The following PIGG variants were observed in gnomAD, a reference collection of about 807,000 sequenced individuals.
The protein encoded by PIGG is phosphatidylinositol glycan anchor biosynthesis class G (EMM blood group), also known as GPI ethanolamine phosphate transferase 2, catalytic subunit.
PIGG carries 70 observed loss-of-function variants against 83.2 expected under a neutral mutation model. That is an observed-to-expected ratio of 0.84 (90% CI 0.69 to 1.03). PIGG has a LOEUF of 1.03. PIGG is among the 50% of genes least tolerant of loss of function. PIGG has a pLI of 0.00. For synonymous variants in PIGG, 532 were observed against 519.5 expected (o/e 1.02, Z -0.33); for missense variants, 1,257 against 1,233.6 (o/e 1.02, Z -0.28).
chr4:535,039 T>G (rs371311498), intron 12 of PIGG, among the ~76,000 whole-genome samples: 21 of 152,254 alleles, frequency 1.4e-4, no homozygotes, highest in African/African-American at 4.8e-4. Flanking sequence ...CGTATGTTTC[T>G]TGCTCCCCCA....
chr4:537,943 C>T (rs1039567741), intron 12 of PIGG, among the ~76,000 whole-genome samples: 4 of 152,146 alleles, frequency 2.6e-5, no homozygotes, highest in African/African-American at 4.8e-5. Context: ...CCTGGTGGAG[C>T]TGCTGGGCTG....
chr4:509,467 T>C (rs6845627), intron 5 of PIGG, among the ~76,000 whole-genome samples: 35,098 of 152,170 alleles, frequency 0.23, 6,353 homozygotes, highest in African/African-American at 0.51. Flanking sequence ...CGCCAGCCTA[T>C]GCACTCTGCC....
rs1452393678 is a variant in PIGG at position 505,698 on chromosome 4, C to A, written c.361-20C>A. ...CGGTTTTGGATTCAGTGGCCTAATT[C>A]TTGCATTTTCTGACTGCAGGCATTG... On this transcript the variant is annotated intron_variant, in intron 2 of 12. Coordinates refer to ENST00000453061, the MANE Select transcript of PIGG (RefSeq NM_001127178.3). The A allele has an allele frequency of 1.3e-6, 2 of 1,586,780 alleles. No individual in the cohort carries two copies. The highest frequency in any genetic ancestry group is 2.7e-5 in the African/African-American group (2 of 74,066).
rs536737198 is a variant in PIGG, at chr4:521,086, A to G, written c.1145A>G (p.Glu382Gly). The G allele has an allele frequency of 6.2e-7, 1 of 1,614,156 alleles. No individual in the cohort carries two copies. The highest frequency in any genetic ancestry group is 2.2e-5 in the East Asian group (1 of 44,886). Residue 382 changes from glutamate to glycine, a missense_variant, in exon 7 of 13, where the codon GAA becomes GGA. Physicochemically the swap from Glu to Gly is moderately conservative, Grantham distance 98. Transcript: ENST00000453061. ...DPGFEQFKMS[E>G]RLHGNWIRLY... Reference sequence around the variant, plus strand: ...GGGTTTGAGCAGTTTAAAATGTCAGAAAGATTGCATGGGAACTGGATCAGA... The same window carrying G: ...GGGTTTGAGCAGTTTAAAATGTCAGGAAGATTGCATGGGAACTGGATCAGA...
chr4:523,721 C>T lies in PIGG; in HGVS notation c.1877C>T (p.Pro626Leu). ...GCCACAGCAGCGTGGCAGGACGGGC[C>T]TGGCTGTGATGTCCTGGAGCGAGAC... ...DGATAAWQDG[P>L]GCDVLERDKG... Residue 626 changes from proline (P) to leucine (L), a missense_variant, in exon 9 of 13, where the codon CCT becomes CTT. Physicochemically the swap from Pro to Leu is moderately conservative, Grantham distance 98. Transcript: ENST00000453061. 1 of 1,614,208 alleles carries T rather than the reference C, an allele frequency of 6.2e-7. No homozygotes were observed. The highest frequency in any genetic ancestry group is 8.5e-7 in the Non-Finnish European group (1 of 1,180,046).
chr4:521,027 C>T (rs147553759), intron 6 of PIGG, 29 bp from the exon 7 acceptor site: 65 of 1,469,512 alleles, frequency 4.4e-5, no homozygotes, highest in South Asian at 3.0e-4. Flanking sequence ...TGTGTGTGCG[C>T]GCCTGTAACC....
At chr4:521,407 G>T in intron 7 of PIGG, 134 bp downstream of exon 7, 1 of 708,336 alleles carries the variant, frequency 1.4e-6, no homozygotes, top group East Asian at 2.7e-5. Context: ...TAACTCTTTC[G>T]TGGTGTGTCC....
chr4:516,611 A>C (rs1472038823), intron 6 of PIGG, among the ~76,000 whole-genome samples: 1 of 152,164 alleles, frequency 6.6e-6, no homozygotes. Flanking sequence ...TAATCCCAGC[A>C]CTTTGGGAGG....
intron 12 of PIGG, among the ~76,000 whole-genome samples, chr4:538,274 G>T (rs979644488): frequency 4.6e-5 from 7 of 152,004 alleles, no homozygotes; most frequent in Non-Finnish European, 7.4e-5. Context: ...ACTCAGGGAA[G>T]TTGCTTTGAG....
intron 5 of PIGG, among the ~76,000 whole-genome samples, chr4:514,007 ACT>A (rs1380353644): frequency 6.6e-6 from 1 of 152,134 alleles, no homozygotes; most frequent in East Asian, 1.9e-4. Context: ...GGTAATGCAG[ACT>A]CTCTGCCTTA....
chr4:531,239 G>GACA (rs1728976535), intron 11 of PIGG: 1 of 166,164 alleles, frequency 6.0e-6, no homozygotes, highest in African/African-American at 2.4e-5. Flanking sequence ...TAGAGGGACA[G>GACA]GCAGACGGGG....
chr4:538,565 C>T (rs1731304113), intron 12 of PIGG, among the ~76,000 whole-genome samples: 1 of 152,144 alleles, frequency 6.6e-6, no homozygotes, highest in Non-Finnish European at 1.5e-5. Context: ...ACTGCAAAGT[C>T]TGGGGGGTGC....
rs559139496 is a variant in PIGG, at chr4:518,511, TG to T, written c.1114+2327del. On this transcript the variant is annotated intron_variant, in intron 6 of 12. Transcript: ENST00000453061. ...GGGAGGCTGAGGCAGGAGAATGGTG[TG>T]AACCCGGGAGGCGGAGCTTGCAGTG... Among the ~76,000 whole-genome samples, 7 of 152,298 alleles carry T rather than the reference TG, an allele frequency of 4.6e-5. No individual in the cohort carries two copies. The South Asian group carries it at 1.4e-3, about 32-fold the overall frequency.
At chr4:530,792 ATTTAT>A in intron 11 of PIGG, 47 bp downstream of exon 11, 2 of 1,275,632 alleles carry the variant, frequency 1.6e-6, no homozygotes, top group Non-Finnish European at 2.2e-6. Context: ...TGTTTTACAT[ATTTAT>A]TTTAAATTTT....
intron 2 of PIGG, among the ~76,000 whole-genome samples, chr4:503,552 A>G (rs1319067929): frequency 6.6e-6 from 1 of 152,114 alleles, no homozygotes; most frequent in South Asian, 2.1e-4. Flanking sequence ...TTTACTCTGG[A>G]AAGTCCCACC....
rs782061408 is a variant in PIGG at position 508,984 on chromosome 4, A to C, written c.901+14A>C. The C allele has an allele frequency of 1.2e-6, 2 of 1,602,982 alleles. No individual in the cohort carries two copies. The highest frequency in any genetic ancestry group is 1.1e-5 in the South Asian group (1 of 89,502). ...AAAGGAAACCCGGTGAGAATTTAGG[A>C]ATGTTAACAGTTGGAAATTGTATTA... On this transcript the variant is annotated intron_variant, in intron 5 of 12. Coordinates refer to ENST00000453061, the MANE Select transcript of PIGG (RefSeq NM_001127178.3).
At chr4:509,082 A>G (rs1221163145) in intron 5 of PIGG, 112 bp downstream of exon 5, 1 of 789,038 alleles carries the variant, frequency 1.3e-6, no homozygotes, top group African/African-American at 1.7e-5. Flanking sequence ...TGAAGTCCCC[A>G]AGCAATGTGA....
At chr4:513,368 CG>C (rs948513979) in intron 5 of PIGG, among the ~76,000 whole-genome samples, 28 of 151,970 alleles carry the variant, frequency 1.8e-4, no homozygotes, top group African/African-American at 6.8e-4. Context: ...TGAAAATAAG[CG>C]GTTTTGGATT....
chr4:526,059 A>C (rs1727509510), intron 9 of PIGG, among the ~76,000 whole-genome samples: 1 of 152,178 alleles, frequency 6.6e-6, no homozygotes, highest in Non-Finnish European at 1.5e-5. Flanking sequence ...CAACCGCATT[A>C]TCCGCGGTTT....
Sources: gnomAD v4.1 joint callset for allele counts (sites outside exome capture counted in the v4.1 genomes callset) on GRCh38, gnomAD v4.1.1 for gene constraint, MANE v1.5 for transcripts, NCBI Gene and HGNC (gene_info 2026-07-23, HGNC 2026-07-21) for gene names.